RIMS2: variants seen among roughly 807,000 people sequenced by gnomAD.
RIMS2 encodes the protein regulating synaptic membrane exocytosis protein 2.
A neutral mutation model predicts 174.4 loss-of-function variants in RIMS2; 59 were observed. The observed-to-expected ratio is 0.34, with a 90% CI of 0.27 to 0.42. The LOEUF (loss-of-function observed/expected upper bound fraction) is 0.42. Among genes scored for constraint, RIMS2 ranks in the 10% least tolerant of loss-of-function variants. The probability of loss-of-function intolerance (pLI) is 1.00; values close to 1 mark genes in which losing one functional copy is unlikely to be tolerated. For synonymous variants in RIMS2, 606 were observed against 572.5 expected, an observed-to-expected ratio of 1.06 and a Z score of -0.84; for missense variants, 1,620 against 1,666.3, an observed-to-expected ratio of 0.97 and a Z score of 0.48.
chr8:104,025,708 TACACACAC>T lies in RIMS2; in HGVS notation c.3334+11111_3334+11118del, dbSNP rs34638633. 4.7e-5 allele frequency among the ~76,000 whole-genome samples: 7 copies of T among 149,378 alleles called. No individual in the cohort carries two copies. In the East Asian group the frequency reaches 1.4e-3, roughly 29 times the overall value. ...CACCCTGAAGCAGTTGTTAAACGTA[TACACACAC>T]ACACACACACACACACAGTAATGTA... is the stretch of plus-strand genomic sequence containing the variant. On this transcript the variant is annotated intron_variant, in intron 19 of 23. Transcript: ENST00000504942.
At chr8:103,913,847 T>G (rs1470548750) in intron 6 of RIMS2, among the ~76,000 whole-genome samples, 1 of 152,134 alleles carries the variant, frequency 6.6e-6, no homozygotes, top group Non-Finnish European at 1.5e-5. Context: ...ACAAGGGATC[T>G]GTCCCATGAT....
chr8:104,151,227 A>T (rs568146640), intron 19 of RIMS2, among the ~76,000 whole-genome samples: 1 of 152,272 alleles, frequency 6.6e-6, no homozygotes, highest in African/African-American at 2.4e-5. Context: ...CATATTTCTG[A>T]CTTGCATCAC....
intron 2 of RIMS2, among the ~76,000 whole-genome samples, chr8:103,755,222 G>C (rs193238633): frequency 6.6e-5 from 10 of 152,196 alleles, no homozygotes; most frequent in Non-Finnish European, 1.5e-4. Flanking sequence ...TTCTGGGTTG[G>C]AGAATCTTTT....
At chr8:103,948,176 G>C (rs2084308230) in intron 14 of RIMS2, among the ~76,000 whole-genome samples, 1 of 152,084 alleles carries the variant, frequency 6.6e-6, no homozygotes, top group South Asian at 2.1e-4. Flanking sequence ...TAATAAAAAA[G>C]AAAGATGATA....
At chr8:104,224,824 G>A (rs1229834908) in intron 19 of RIMS2, among the ~76,000 whole-genome samples, 6 of 152,132 alleles carry the variant, frequency 3.9e-5, no homozygotes. Flanking sequence ...TGGAGGATTG[G>A]TAATATGTCT....
chr8:103,876,864 T>TTATATATATATA lies in RIMS2; in HGVS notation c.699-8399_699-8388dup, dbSNP rs199997824. 5.3e-3 allele frequency among the ~76,000 whole-genome samples: 359 copies of TTATATATATATA among 67,710 alleles called. 2 individuals carry two copies. The highest frequency in any genetic ancestry group is 7.1e-3 in the Admixed American group (35 of 4,954). The allele number at this position is 67,710 out of a possible 152,430, so 44.4% of individuals were successfully genotyped here. On this transcript the variant is annotated intron_variant, in intron 3 of 23. Transcript: ENST00000504942. ...TGTATATATACACACACACACTATT[T>TTATATATATATA]TATATATATATATATATATATATAT... is the stretch of plus-strand genomic sequence containing the variant.
intron 19 of RIMS2, among the ~76,000 whole-genome samples, chr8:104,097,926 G>GA (rs927396693): frequency 6.6e-6 from 1 of 150,952 alleles, no homozygotes; most frequent in African/African-American, 2.4e-5. Flanking sequence ...TAATATGAAG[G>GA]AAAAAAAAAT....
chr8:103,613,333 C>T (rs1171402111), intron 1 of RIMS2, among the ~76,000 whole-genome samples: 1 of 152,058 alleles, frequency 6.6e-6, no homozygotes, highest in Non-Finnish European at 1.5e-5. Flanking sequence ...TAACCCTAGC[C>T]CACTGAGGTG....
chr8:104,133,597 AAAATC>A (rs2098491843), intron 19 of RIMS2, among the ~76,000 whole-genome samples: 1 of 152,218 alleles, frequency 6.6e-6, no homozygotes, highest in Non-Finnish European at 1.5e-5. Flanking sequence ...GTATTTTAGA[AAAATC>A]AAGTGGCTTC....
chr8:103,577,918 A>C (rs1431694658), intron 1 of RIMS2, among the ~76,000 whole-genome samples: 1 of 152,164 alleles, frequency 6.6e-6, no homozygotes, highest in Non-Finnish European at 1.5e-5. Flanking sequence ...TGAAATACTG[A>C]AAATAGAAGA....
chr8:103,762,237 AT>A (rs2140148680), intron 2 of RIMS2, among the ~76,000 whole-genome samples: 1 of 152,092 alleles, frequency 6.6e-6, no homozygotes, highest in African/African-American at 2.4e-5. Context: ...TATTTTTAAA[AT>A]TTTGACATAT....
At chr8:103,842,388 A>C (rs998509228) in intron 3 of RIMS2, among the ~76,000 whole-genome samples, 3 of 152,170 alleles carry the variant, frequency 2.0e-5, no homozygotes, top group Non-Finnish European at 4.4e-5. Flanking sequence ...AATTTTAAAT[A>C]TAACTAAAAA....
At chr8:103,889,869 CA>C (rs1294183805) in intron 4 of RIMS2, among the ~76,000 whole-genome samples, 1 of 151,754 alleles carries the variant, frequency 6.6e-6, no homozygotes, top group African/African-American at 2.4e-5. Flanking sequence ...GTTTGTGTAA[CA>C]AAAACAGAGA....
At chr8:103,899,552 C>T (rs1016764679) in intron 4 of RIMS2, among the ~76,000 whole-genome samples, 1 of 151,548 alleles carries the variant, frequency 6.6e-6, no homozygotes, top group African/African-American at 2.4e-5. Flanking sequence ...TATCCTTTGC[C>T]CACTTGTTGA....
At chr8:103,936,798 T>C (rs2081345523) in intron 13 of RIMS2, 76 bp downstream of exon 15, 1 of 1,204,738 alleles carries the variant, frequency 8.3e-7, no homozygotes, top group South Asian at 1.6e-5. Context: ...GTCAGTATAA[T>C]TTCATTTGTA....
rs2099356047 is a variant in RIMS2, at chr8:104,250,616, AAG to A, written c.3692-407_3692-406del. 5.6e-4 allele frequency among the ~76,000 whole-genome samples: 7 copies of A among 12,450 alleles called. No individual in the cohort carries two copies. The African/African-American group carries it at 8.5e-3, about 15-fold the overall frequency. 8.2% of individuals were successfully genotyped at this position (12,450 alleles called of 152,430 possible). A position where few individuals can be genotyped will look rare whatever the true frequency, so the allele number is the denominator to read the frequency against. Reference sequence around the variant, plus strand: ...CTGTTATACCCACACCACCACCAGTAAGTAAGTACTTTTGAGTGATAATCACT... The same window carrying A: ...CTGTTATACCCACACCACCACCAGTATAAGTACTTTTGAGTGATAATCACT... On this transcript the variant is annotated intron_variant, in intron 22 of 23. Coordinates refer to ENST00000504942, the Ensembl canonical transcript of RIMS2.
chr8:103,938,135 T>C (rs1404047438), intron 13 of RIMS2, among the ~76,000 whole-genome samples: 1 of 152,222 alleles, frequency 6.6e-6, no homozygotes, highest in Non-Finnish European at 1.5e-5. Context: ...GGAGAATGAT[T>C]GAAGAGGGGC....
At chr8:104,105,191 G>T (rs569103290) in intron 19 of RIMS2, among the ~76,000 whole-genome samples, 7 of 152,246 alleles carry the variant, frequency 4.6e-5, no homozygotes, top group African/African-American at 1.2e-4. Flanking sequence ...GAATAAAAGG[G>T]GTTGGGTGTC....
At chr8:103,860,763 A>G (rs1055267752) in intron 3 of RIMS2, among the ~76,000 whole-genome samples, 3 of 148,782 alleles carry the variant, frequency 2.0e-5, no homozygotes, top group African/African-American at 7.5e-5. Context: ...ACACATCCCA[A>G]TGAGCAGAAA....
Sources: allele counts gnomAD v4.1 joint callset (sites outside exome capture counted in the v4.1 genomes callset), GRCh38; gene constraint gnomAD v4.1.1; transcripts MANE v1.5; gene names NCBI Gene and HGNC (gene_info 2026-07-23, HGNC 2026-07-21).